The following LCLAT1 variants were observed in gnomAD, a reference collection of about 807,000 sequenced individuals.
LCLAT1 encodes 1-AGP acyltransferase 8.
Under a neutral mutation model 30.7 loss-of-function variants are expected in LCLAT1, and 11 were observed. The observed-to-expected ratio is 0.36, with a 90% confidence interval of 0.23 to 0.59. The LOEUF is 0.59. Among genes scored for constraint, LCLAT1 ranks in the 20% least tolerant of loss-of-function variants. The pLI is 0.77. For synonymous variants in LCLAT1, 155 were observed against 151.3 expected (o/e 1.02, Z -0.18); for missense variants, 402 against 458.6 (o/e 0.88, Z 1.13).
intron 5 of LCLAT1, among the ~76,000 whole-genome samples, chr2:30,569,472 C>G (rs185844032): frequency 3.1e-4 from 47 of 152,320 alleles, no homozygotes; most frequent in South Asian, 2.3e-3. Flanking sequence ...CTGCTCTTCA[C>G]TCTGATTTCC....
At chr2:30,457,863 A>G (rs963485565) in intron 1 of LCLAT1, among the ~76,000 whole-genome samples, 1 of 152,158 alleles carries the variant, frequency 6.6e-6, no homozygotes, top group Non-Finnish European at 1.5e-5. Context: ...GTTACTTCCT[A>G]TAAAAAGGAA....
chr2:30,472,027 A>G lies in LCLAT1; in HGVS notation c.-5+24644A>G, dbSNP rs570203247. Among the ~76,000 whole-genome samples the G allele has an allele frequency of 9.8e-5, 15 of 152,324 alleles. No homozygotes were observed. The South Asian group carries it at 1.9e-3, about 19-fold the overall frequency. On this transcript the variant is annotated intron_variant, in intron 1 of 5. Transcript: ENST00000379509. ...CATGAACCATTGCTGTGGGTTTTTC[A>G]TAGTGCCCTTTTCTTTTAAATCTTT... is the stretch of plus-strand genomic sequence containing the variant.
chr2:30,554,245 A>G (rs1664817587), intron 3 of LCLAT1, among the ~76,000 whole-genome samples: 1 of 152,252 alleles, frequency 6.6e-6, no homozygotes, highest in Non-Finnish European at 1.5e-5. Flanking sequence ...TCGACCTGTC[A>G]GTATTGTTCA....
intron 5 of LCLAT1, among the ~76,000 whole-genome samples, chr2:30,602,337 A>G (rs902591200): frequency 1.3e-5 from 2 of 152,192 alleles, no homozygotes; most frequent in Admixed American, 6.5e-5. Flanking sequence ...GTTATAGTTC[A>G]CTCCTTCTGC....
At position 30,562,728 on chromosome 2, in the gene LCLAT1, T is replaced by C. The variant is rs573386960; in HGVS notation, c.511+436T>C. ...TCAGGCTTTTATCTTTATGTAAGTGTAATTTTAAAATCATGTTTTAGGTTA... is the reference window on the plus strand; with the variant it reads ...TCAGGCTTTTATCTTTATGTAAGTGCAATTTTAAAATCATGTTTTAGGTTA... On this transcript the variant is annotated intron_variant, in intron 4 of 5. Transcript: ENST00000379509. Among the ~76,000 whole-genome samples the C allele has an allele frequency of 5.3e-5, 8 of 152,350 alleles. No individual in the cohort carries two copies. The East Asian group carries it at 1.4e-3, about 26-fold the overall frequency.
chr2:30,493,840 A>G (rs974841285), intron 1 of LCLAT1, among the ~76,000 whole-genome samples: 1 of 152,196 alleles, frequency 6.6e-6, no homozygotes, highest in East Asian at 1.9e-4. Flanking sequence ...TTCTTAGTAC[A>G]TAGAGGCATT....
At chr2:30,550,158 C>G (rs1166113693) in intron 3 of LCLAT1, among the ~76,000 whole-genome samples, 1 of 152,086 alleles carries the variant, frequency 6.6e-6, no homozygotes, top group Non-Finnish European at 1.5e-5. Flanking sequence ...AATAGATGTT[C>G]TGAAGTAAAC....
intron 5 of LCLAT1, among the ~76,000 whole-genome samples, chr2:30,605,759 A>G (rs1477514879): frequency 6.6e-6 from 1 of 152,194 alleles, no homozygotes; most frequent in Non-Finnish European, 1.5e-5. Context: ...AGAGAAATGG[A>G]TGAGCAAATC....
chr2:30,640,924 C>T lies in LCLAT1; in HGVS notation c.*305C>T. The T allele has an allele frequency of 3.4e-6, 1 of 297,242 alleles. No homozygotes were observed. The highest frequency in any genetic ancestry group is 6.3e-6 in the Non-Finnish European group (1 of 157,666). The allele number at this position is 297,242 out of a possible 1,614,324, so 18.4% of individuals were successfully genotyped here. On this transcript the variant is annotated 3_prime_UTR_variant, in exon 6 of 6. Transcript: ENST00000379509. ...GGAACACACACATTTTTCTTAAAGGCCCAATCCTAACAGACTCCCCGTACC... is the reference window on the plus strand; with the variant it reads ...GGAACACACACATTTTTCTTAAAGGTCCAATCCTAACAGACTCCCCGTACC...
At chr2:30,566,821 G>A (rs1417085464) in intron 4 of LCLAT1, among the ~76,000 whole-genome samples, 1 of 152,142 alleles carries the variant, frequency 6.6e-6, no homozygotes, top group East Asian at 1.9e-4. Flanking sequence ...AACTTGTAAA[G>A]TTACCTCATG....
At chr2:30,501,604 G>C (rs1303114093) in intron 1 of LCLAT1, among the ~76,000 whole-genome samples, 2 of 151,946 alleles carry the variant, frequency 1.3e-5, no homozygotes, top group Non-Finnish European at 2.9e-5. Context: ...GAACCCAGGA[G>C]GTGGAGGTTG....
chr2:30,533,062 T>C (rs1042247876), intron 2 of LCLAT1, 54 bp from the exon 3 acceptor site: 1 of 1,258,940 alleles, frequency 7.9e-7, no homozygotes, highest in Non-Finnish European at 1.2e-6. Flanking sequence ...TGATAAAATT[T>C]ACCTATGGAA....
chr2:30,529,195 A>G (rs1354884056), intron 2 of LCLAT1, among the ~76,000 whole-genome samples: 1 of 152,258 alleles, frequency 6.6e-6, no homozygotes, highest in African/African-American at 2.4e-5. Flanking sequence ...AAAAATAGTC[A>G]CAAAATGATC....
chr2:30,640,635 C>A lies in LCLAT1; in HGVS notation c.*16C>A. Reference sequence around the variant, plus strand: ...AAATGAGTAAGATTATAAGGTTTGCCATGTGAAAACCTAGAGCATATTTTG... The same window carrying A: ...AAATGAGTAAGATTATAAGGTTTGCAATGTGAAAACCTAGAGCATATTTTG... On this transcript the variant is annotated 3_prime_UTR_variant, in exon 6 of 6. Coordinates refer to ENST00000379509, the MANE Select transcript of LCLAT1 (RefSeq NM_001002257.3). 6.4e-7 allele frequency: 1 copy of A among 1,564,856 alleles called. No individual in the cohort carries two copies. Among genetic ancestry groups the A allele is most frequent in the South Asian group, 1.2e-5 (1 of 81,056 alleles).
chr2:30,609,353 TTA>T (rs1414314148), intron 5 of LCLAT1, among the ~76,000 whole-genome samples: 2 of 152,172 alleles, frequency 1.3e-5, no homozygotes, highest in African/African-American at 2.4e-5. Context: ...AATTGTATAA[TTA>T]TGTTTTACAT....
Position 30,627,996 on chromosome 2 carries a change from T to G in LCLAT1, c.629-12121T>G, listed in dbSNP as rs559313000. ...GACTGGAAAATTGACCATAAAACTGTTTTTGCTGCAATCTATAAGGTCAAA... is the reference window on the plus strand; with the variant it reads ...GACTGGAAAATTGACCATAAAACTGGTTTTGCTGCAATCTATAAGGTCAAA... On this transcript the variant is annotated intron_variant, in intron 5 of 5. Transcript: ENST00000379509. 6.1e-4 allele frequency among the ~76,000 whole-genome samples: 93 copies of G among 152,246 alleles called. 1 individual carries two copies. Among genetic ancestry groups the G allele is most frequent in the African/African-American group, 2.1e-3 (89 of 41,556 alleles).
rs75280074 is a variant in LCLAT1, at chr2:30,545,026, A to G, written c.364+11712A>G. On this transcript the variant is annotated intron_variant, in intron 3 of 5. Transcript: ENST00000379509. The stretch of plus-strand genomic sequence containing the variant: ...TCTTACCCATTGTAGGCTCTTAACT[A>G]TTTGTAAGCTTGATAGGATTTCATG... Among the ~76,000 whole-genome samples the G allele has an allele frequency of 7.2e-3, 1,100 of 152,260 alleles. 5 individuals are homozygous for G. The highest frequency in any genetic ancestry group is 0.014 in the African/African-American group (572 of 41,554).
intron 1 of LCLAT1, among the ~76,000 whole-genome samples, chr2:30,520,895 A>T (rs1172950575): frequency 2.0e-5 from 3 of 152,146 alleles, no homozygotes; most frequent in African/African-American, 7.2e-5. Flanking sequence ...ACTGTCAGAG[A>T]TGTGTGAACT....
chr2:30,576,844 CT>C (rs975725876), intron 5 of LCLAT1, among the ~76,000 whole-genome samples: 8 of 151,510 alleles, frequency 5.3e-5, no homozygotes, highest in African/African-American at 1.9e-4. Flanking sequence ...TTATTAGAAC[CT>C]TTTTTTGCAT....
Sources: allele counts gnomAD v4.1 joint callset (sites outside exome capture counted in the v4.1 genomes callset), GRCh38; gene constraint gnomAD v4.1.1; transcripts MANE v1.5; gene names NCBI Gene and HGNC (gene_info 2026-07-23, HGNC 2026-07-21).